Variants in MUC4 observed in about 807,000 individuals in gnomAD.
MUC4 encodes mucin-4.
A neutral mutation model predicts 257.9 loss-of-function variants in MUC4; 202 were observed. The observed-to-expected ratio is 0.78, with a 90% CI of 0.70 to 0.88. The LOEUF is 0.88. Ranked by LOEUF, MUC4 falls within the 40% of genes least tolerant of loss-of-function variation. The pLI, the probability that MUC4 is intolerant of heterozygous loss-of-function variation, is 0.00. For missense variants in MUC4, 5,976 were observed against 6,513.7 expected (o/e 0.92, Z 2.84); for synonymous variants, 2,351 against 2,757.1 (o/e 0.85, Z 4.62).
chr3:195,794,975 C>A (rs555383420), intron 1 of MUC4, among the ~76,000 whole-genome samples: 1 of 152,324 alleles, frequency 6.6e-6, no homozygotes, highest in East Asian at 1.9e-4. Context: ...TCCCTGGGCC[C>A]CTGGCTTAAT....
At position 195,748,809 on chromosome 3, in the gene MUC4, C is replaced by T. The variant is rs777298513; in HGVS notation, c.16034+93G>A. 8.7e-5 allele frequency: 123 copies of T among 1,417,868 alleles called. No individual in the cohort carries two copies. The Middle Eastern group carries it at 3.4e-3, about 39-fold the overall frequency. The allele number at this position is 1,417,868 out of a possible 1,614,324, so 87.8% of individuals were successfully genotyped here. ...CTCTCTTCCCTGGTCTCTGATCTCT[C>T]GAGCCATCCTAATTCCTGGACCCCT... On this transcript the variant is annotated intron_variant, in intron 24 of 24. Transcript: ENST00000463781.
Position 195,788,739 on chromosome 3 carries a change from A to C in MUC4, c.2841T>G (p.Leu947=), listed in dbSNP as rs113384737. ...TGTGGGTCTCGGTTTGTGGAGATGT[A>C]AGCCCAGTGGATGTGATCGATGGAG... ...PTPPSITSTG[L]TSPQTETHTL... The change falls in exon 2 of 25, where the codon CTT becomes CTG. Residue 947 remains leucine, a synonymous_variant. Coordinates refer to ENST00000463781, the MANE Select transcript of MUC4 (RefSeq NM_018406.7). 13 of 1,612,834 alleles carry C rather than the reference A, an allele frequency of 8.1e-6. No individual in the cohort carries two copies. The highest frequency in any genetic ancestry group is 4.0e-5 in the African/African-American group (3 of 74,370).
intron 3 of MUC4, among the ~76,000 whole-genome samples, chr3:195,775,152 C>A (rs1250803753): frequency 6.6e-6 from 1 of 152,096 alleles, no homozygotes; most frequent in African/African-American, 2.4e-5. Flanking sequence ...CGCAGGCTCT[C>A]CTGGCCTCCT....
At chr3:195,751,139 G>C in intron 22 of MUC4, 27 bp from the exon 23 acceptor site, 1 of 1,526,798 alleles carries the variant, frequency 6.5e-7, no homozygotes, top group Non-Finnish European at 8.9e-7. Flanking sequence ...CGGTGAGGGG[G>C]GGTGGGGGGC....
intron 2 of MUC4, 136 bp from the exon 3 acceptor site, chr3:195,778,591 T>G: frequency 7.6e-7 from 1 of 1,320,072 alleles, no homozygotes; most frequent in South Asian, 1.4e-5. Flanking sequence ...TCCAAACTAC[T>G]CTCGACATCA....
chr3:195,767,872 C>A (rs965615780), intron 7 of MUC4, among the ~76,000 whole-genome samples: 1 of 144,844 alleles, frequency 6.9e-6, no homozygotes, highest in Non-Finnish European at 1.5e-5. Context: ...CCAACACCAC[C>A]ACCATCACCA....
rs757419106 is a variant in MUC4 at position 195,789,544 on chromosome 3, G to A, written c.2036C>T (p.Ser679Leu). ...GGGTGCGTCCTGAGGAACAATTTCT[G>A]AGGGCGAGTGCCCACTGGCTGTGAA... is the stretch of plus-strand genomic sequence containing the variant. ...SSFTASGHSP[S>L]EIVPQDAPTI... The change falls in exon 2 of 25, where the codon TCA (serine) becomes TTA (leucine). Residue 679 changes from serine to leucine, a missense_variant. Ser to Leu is a moderately radical substitution (Grantham distance 145). Around this residue, in one of 44 missense-constraint regions of MUC4, gnomAD observed 1,583 missense variants for 1,257.4 expected, o/e 1.26. Coordinates refer to ENST00000463781, the MANE Select transcript of MUC4 (RefSeq NM_018406.7). 2 of 1,613,820 alleles carry A rather than the reference G, an allele frequency of 1.2e-6. No individual in the cohort carries two copies. The highest frequency in any genetic ancestry group is 8.5e-7 in the Non-Finnish European group (1 of 1,179,886).
intron 7 of MUC4, among the ~76,000 whole-genome samples, chr3:195,767,694 C>CA (rs1560263567): frequency 1.1e-3 from 2 of 1,770 alleles, no homozygotes; most frequent in Admixed American, 4.0e-3. Context: ...CTGGCCACCC[C>CA]CCAAAAAATA....
intron 23 of MUC4, among the ~76,000 whole-genome samples, chr3:195,749,377 G>GA (rs1715892851): frequency 6.6e-6 from 1 of 152,232 alleles, no homozygotes; most frequent in Non-Finnish European, 1.5e-5. Context: ...ATGCTTTCCT[G>GA]AAGAGCACAT....
At chr3:195,748,863 C>G in intron 24 of MUC4, 39 bp downstream of exon 24, 4 of 1,518,244 alleles carry the variant, frequency 2.6e-6, no homozygotes, top group South Asian at 1.3e-5. Context: ...TTGGGTTCCC[C>G]AGCACTGTCC....
intron 19 of MUC4, chr3:195,753,912 G>T (rs920845483): frequency 1.7e-5 from 6 of 363,328 alleles, no homozygotes; most frequent in Non-Finnish European, 2.9e-5. Flanking sequence ...TCAGTCTTTC[G>T]CCCGGGGCTC....
intron 24 of MUC4, 50 bp from the exon 25 acceptor site, chr3:195,747,430 C>CCCAG: frequency 6.4e-7 from 1 of 1,571,990 alleles, no homozygotes; most frequent in African/African-American, 1.3e-5. Flanking sequence ...AGCTCAGCCT[C>CCCAG]CCAGCCCCTC....
rs375879493 is a variant in MUC4, at chr3:195,778,861, G to T, written c.12719C>A (p.Pro4240His). The T allele has an allele frequency of 6.2e-7, 1 of 1,610,412 alleles. No individual in the cohort carries two copies. Among genetic ancestry groups the T allele is most frequent in the South Asian group, 1.1e-5 (1 of 90,528 alleles). ...TGAGGTAGCACTGCTGACAGCAAGA[G>T]GGGTGGCGTGACCTGTGGATACTGA... ...LSSVSTGHATPLAVSSATSAS... is the reference protein window; with the variant it reads ...LSSVSTGHATHLAVSSATSAS... Residue 4240 changes from proline to histidine, a missense_variant, in exon 2 of 25, where the codon CCT becomes CAT. Physicochemically the swap from Pro to His is moderately conservative, Grantham distance 77. Around this residue, in one of 44 missense-constraint regions of MUC4, gnomAD observed 233 missense variants for 171.2 expected, o/e 1.36. Coordinates refer to ENST00000463781, the MANE Select transcript of MUC4 (RefSeq NM_018406.7).
At position 195,783,960 on chromosome 3, in the gene MUC4, A is replaced by G; in HGVS notation, c.7620T>C (p.Arg2540=). Residue 2540 remains arginine, a synonymous_variant, in exon 2 of 25, where the codon CGT becomes CGC. Coordinates refer to ENST00000463781, the MANE Select transcript of MUC4 (RefSeq NM_018406.7). ...PVTNASSLST[R]HATSLHVTSP... ...TGGTGACATGAAGAGAGGTGGCGTG[A>G]CGTGTGGATAATGAGGAAGCATTGG... The G allele has an allele frequency of 6.6e-7, 1 of 1,521,970 alleles. No homozygotes were observed. The highest frequency in any genetic ancestry group is 8.8e-7 in the Non-Finnish European group (1 of 1,132,770). The allele number at this position is 1,521,970 out of a possible 1,614,324, so 94.3% of individuals were successfully genotyped here. A position where few individuals can be genotyped will look rare whatever the true frequency, so the allele number is the denominator to read the frequency against.
chr3:195,770,072 T>TG (rs1196119375), intron 6 of MUC4, 144 bp downstream of exon 6: 55 of 690,680 alleles, frequency 8.0e-5, no homozygotes, highest in African/African-American at 1.3e-4. Context: ...GTGGTGGCAG[T>TG]GGGGGGGTGG....
At chr3:195,748,085 G>A (rs1320392847) in intron 24 of MUC4, among the ~76,000 whole-genome samples, 1 of 152,246 alleles carries the variant, frequency 6.6e-6, no homozygotes, top group Non-Finnish European at 1.5e-5. Flanking sequence ...AGGGCCCGGA[G>A]CCCAGGTCTG....
At chr3:195,763,674 G>A in intron 11 of MUC4, 33 bp from the exon 12 acceptor site, 1 of 1,460,360 alleles carries the variant, frequency 6.8e-7, no homozygotes, top group African/African-American at 1.4e-5. Context: ...GCCTCAGCAT[G>A]ACAAATCATG....
intron 1 of MUC4, among the ~76,000 whole-genome samples, chr3:195,792,321 G>A (rs1460646108): frequency 6.6e-6 from 1 of 152,100 alleles, no homozygotes; most frequent in African/African-American, 2.4e-5. Context: ...GCAGGCAAAG[G>A]ATATGAACAG....
chr3:195,754,952 G>GTGTATCCGTGTGTGTA (rs1717358234), intron 18 of MUC4, among the ~76,000 whole-genome samples: 2 of 129,408 alleles, frequency 1.5e-5, no homozygotes, highest in South Asian at 2.6e-4. Flanking sequence ...ATCCATATGT[G>GTGTATCCGTGTGTGTA]TGTATCCATG....
Sources: gnomAD v4.1 joint callset for allele counts (sites outside exome capture counted in the v4.1 genomes callset) on GRCh38, gnomAD v4.1.1 for gene constraint, gnomAD v4.1.1 regional missense constraint, MANE v1.5 for transcripts, NCBI Gene and HGNC (gene_info 2026-07-23, HGNC 2026-07-21) for gene names.